TCF7L2: variants seen among roughly 807,000 people sequenced by gnomAD.
The protein encoded by TCF7L2 is transcription factor 7 like 2, also known as transcription factor 7-like 2.
Under a neutral mutation model 77.9 loss-of-function variants are expected in TCF7L2, and 23 were observed. The observed-to-expected ratio is 0.30, with a 90% CI of 0.21 to 0.42. The LOEUF (loss-of-function observed/expected upper bound fraction) is 0.42, where lower values mean the gene tolerates loss of function less well. Ranked by LOEUF, TCF7L2 falls within the 10% of genes least tolerant of loss-of-function variation. The probability of loss-of-function intolerance (pLI) is 1.00; values close to 1 mark genes in which losing one functional copy is unlikely to be tolerated. For missense variants in TCF7L2, 654 were observed against 793.1 expected, an observed-to-expected ratio of 0.82 and a Z score of 2.11; for synonymous variants, 413 against 340.2, an observed-to-expected ratio of 1.21 and a Z score of -2.36.
intron 12 of TCF7L2, 127 bp downstream of exon 14, chr10:113,160,119 C>CT: frequency 5.1e-6 from 4 of 781,550 alleles, no homozygotes; most frequent in Non-Finnish European, 8.3e-6. Context: ...GAGTGGGACA[C>CT]TGCCAAGTGT....
intron 13 of TCF7L2, among the ~76,000 whole-genome samples, chr10:113,162,259 A>C (rs949458486): frequency 6.6e-6 from 1 of 152,122 alleles, no homozygotes; most frequent in Non-Finnish European, 1.5e-5. Flanking sequence ...AACTGACACT[A>C]TTGTGTGCTC....
At chr10:112,966,184 T>TATATATATATATATATATA (rs2036754580) in intron 4 of TCF7L2, among the ~76,000 whole-genome samples, 9 of 114,228 alleles carry the variant, frequency 7.9e-5, no homozygotes, top group African/African-American at 4.3e-4. Flanking sequence ...TAAAATATAT[T>TATATATATATATATATATA]TATATATATA....
intron 3 of TCF7L2, among the ~76,000 whole-genome samples, chr10:112,962,948 T>G (rs2035662728): frequency 6.6e-6 from 1 of 152,286 alleles, no homozygotes; most frequent in African/African-American, 2.4e-5. Flanking sequence ...GGGCTGTGTG[T>G]GGGGGACAGA....
At chr10:113,131,088 A>G (rs1490162139) in intron 5 of TCF7L2, among the ~76,000 whole-genome samples, 1 of 152,144 alleles carries the variant, frequency 6.6e-6, no homozygotes. Context: ...TTTTGCCACA[A>G]GCTGTAAGAG....
intron 8 of TCF7L2, among the ~76,000 whole-genome samples, chr10:113,146,867 A>C (rs1269661386): frequency 6.6e-6 from 1 of 152,106 alleles, no homozygotes; most frequent in East Asian, 1.9e-4. Flanking sequence ...GGTGCATATC[A>C]TAGTGGTCTG....
At chr10:112,995,049 G>A (rs1488178569) in intron 4 of TCF7L2, among the ~76,000 whole-genome samples, 1 of 151,980 alleles carries the variant, frequency 6.6e-6, no homozygotes, top group Non-Finnish European at 1.5e-5. Context: ...TGCAGTGAGC[G>A]GAGATCATGC....
intron 5 of TCF7L2, among the ~76,000 whole-genome samples, chr10:113,062,928 G>A (rs1299811709): frequency 6.6e-6 from 1 of 152,168 alleles, no homozygotes; most frequent in Non-Finnish European, 1.5e-5. Context: ...GGTAGAGAGT[G>A]TGTCTGTTTA....
At chr10:113,078,999 A>G (rs576928173) in intron 5 of TCF7L2, among the ~76,000 whole-genome samples, 58 of 151,826 alleles carry the variant, frequency 3.8e-4, no homozygotes, top group Non-Finnish European at 7.5e-4. Flanking sequence ...TGCCTGGCTA[A>G]TTTTTGTATT....
rs138854580 is a variant in TCF7L2 at position 113,091,191 on chromosome 10, C to A, written c.553-49993C>A. On this transcript the variant is annotated intron_variant, in intron 5 of 13. Coordinates refer to ENST00000627217, the MANE Select transcript of TCF7L2 (RefSeq NM_001146274.2). ...TGCTAGGATTACAGGCGTGAGCCACCGTGTCTGGCCGATAATCTCTTAATA... is the reference window on the plus strand; with the variant it reads ...TGCTAGGATTACAGGCGTGAGCCACAGTGTCTGGCCGATAATCTCTTAATA... Among the ~76,000 whole-genome samples the A allele has an allele frequency of 7.7e-3, 1,166 of 152,254 alleles. 11 individuals are homozygous for A. Among genetic ancestry groups the A allele is most frequent in the African/African-American group, 0.027 (1,106 of 41,558 alleles).
chr10:113,066,081 G>A (rs577425315), intron 5 of TCF7L2, among the ~76,000 whole-genome samples: 1 of 152,306 alleles, frequency 6.6e-6, no homozygotes, highest in Non-Finnish European at 1.5e-5. Context: ...ATATGCTTAA[G>A]GTTGGACGCG....
chr10:113,117,398 T>TCC (rs2063898055), intron 5 of TCF7L2, among the ~76,000 whole-genome samples: 1 of 50,642 alleles, frequency 2.0e-5, no homozygotes, highest in Admixed American at 2.2e-4. Flanking sequence ...TCTCTCTCTC[T>TCC]CTCTCTCTCT....
chr10:113,093,923 C>G (rs1379187300), intron 5 of TCF7L2, among the ~76,000 whole-genome samples: 1 of 152,212 alleles, frequency 6.6e-6, no homozygotes, highest in Non-Finnish European at 1.5e-5. Context: ...TGTCCAAAGC[C>G]TTCCCTGATT....
intron 4 of TCF7L2, among the ~76,000 whole-genome samples, chr10:113,033,228 T>C (rs901017704): frequency 6.7e-6 from 1 of 149,458 alleles, no homozygotes; most frequent in African/African-American, 2.5e-5. Context: ...CTGCTGCTTC[T>C]CTCTCTCTCT....
At chr10:113,119,806 C>T (rs978732390) in intron 5 of TCF7L2, among the ~76,000 whole-genome samples, 1 of 152,120 alleles carries the variant, frequency 6.6e-6, no homozygotes, top group Non-Finnish European at 1.5e-5. Flanking sequence ...ATCTGATTAT[C>T]TTCTGGCCTT....
chr10:113,162,394 G>A (rs1399163965), intron 13 of TCF7L2, among the ~76,000 whole-genome samples: 3 of 151,488 alleles, frequency 2.0e-5, no homozygotes, highest in Non-Finnish European at 1.5e-5. Flanking sequence ...TTTTCTTGAA[G>A]TTATTCCTAA....
At position 113,151,814 on chromosome 10, in the gene TCF7L2, T is replaced by C. The variant is rs2137153786; in HGVS notation, c.1091T>C (p.Met364Thr). The change falls in exon 10 of 14, where the codon ATG (methionine) becomes ACG (threonine). Residue 364 changes from methionine to threonine, a missense_variant. By Grantham distance (81) the Met-to-Thr change is moderately conservative (BLOSUM62 -1). Coordinates refer to ENST00000627217, the MANE Select transcript of TCF7L2 (RefSeq NM_001146274.2). This position sits in a 1 kb window ranked among gnomAD's most constrained non-coding sequence, Gnocchi z 5.2. The stretch of plus-strand genomic sequence containing the variant: ...GCATTCATGTTGTATATGAAGGAAA[T>C]GAGAGCAAAGGTCGTAGCTGAGTGC... 1 of 1,613,544 alleles carries C rather than the reference T, an allele frequency of 6.2e-7. No homozygotes were observed. Among genetic ancestry groups the C allele is most frequent in the East Asian group, 2.2e-5 (1 of 44,850 alleles).
chr10:112,974,881 C>A (rs1051268306), intron 4 of TCF7L2, among the ~76,000 whole-genome samples: 3 of 152,140 alleles, frequency 2.0e-5, no homozygotes, highest in Non-Finnish European at 4.4e-5. Flanking sequence ...CATTTACAGG[C>A]TTATCAGGCT....
chr10:113,105,484 G>A (rs2135979491), intron 5 of TCF7L2, among the ~76,000 whole-genome samples: 1 of 152,282 alleles, frequency 6.6e-6, no homozygotes, highest in Non-Finnish European at 1.5e-5. Flanking sequence ...GGGACATTTG[G>A]TGGGCAGGTC....
intron 5 of TCF7L2, among the ~76,000 whole-genome samples, chr10:113,070,233 C>T (rs141657127): frequency 5.0e-5 from 7 of 139,812 alleles, no homozygotes; most frequent in East Asian, 2.1e-4. Flanking sequence ...TCCAGCCTGG[C>T]GACAGAGTGA....
Sources: gnomAD v4.1 joint callset for allele counts (sites outside exome capture counted in the v4.1 genomes callset) on GRCh38, gnomAD v4.1.1 for gene constraint, Gnocchi (gnomAD v3.1) non-coding constraint, MANE v1.5 for transcripts, NCBI Gene and HGNC (gene_info 2026-07-23, HGNC 2026-07-21) for gene names.